LRPPRC: variants seen among roughly 807,000 people sequenced by gnomAD.
LRPPRC encodes the protein leucine rich pentatricopeptide repeat containing, also known as leucine-rich PPR motif-containing protein, mitochondrial.
LRPPRC carries 120 observed loss-of-function variants against 180.3 expected under a neutral mutation model. The ratio of observed to expected loss-of-function variants is 0.67; its 90% confidence interval spans 0.57 to 0.77. The LOEUF is 0.77. Among genes scored for constraint, LRPPRC ranks in the 30% least tolerant of loss-of-function variants. The pLI, the probability that LRPPRC is intolerant of heterozygous loss-of-function variation, is 0.00. For missense variants in LRPPRC, 2,012 were observed against 1,657.2 expected, an observed-to-expected ratio of 1.21 and a Z score of -3.72; for synonymous variants, 723 against 600.0, an observed-to-expected ratio of 1.21 and a Z score of -3.00.
Position 43,889,813 on chromosome 2 carries a change from T to G in LRPPRC, c.4049A>C (p.Lys1350Thr). 1 of 1,610,380 alleles carries G rather than the reference T, an allele frequency of 6.2e-7. No homozygotes were observed. Among genetic ancestry groups the G allele is most frequent in the Non-Finnish European group, 8.5e-7 (1 of 1,176,550 alleles). The change falls in exon 37 of 38, where the codon AAA becomes ACA. Residue 1350 changes from lysine (K) to threonine (T), a missense_variant. Transcript: ENST00000260665. Reference protein sequence around the residue: ...LYEHLTAKNTKLDDLFLKRYA... With the variant: ...LYEHLTAKNTTLDDLFLKRYA... ...ACGCTTTAGAAACAGATCATCCAAT[T>G]TTGTATTCTTTGCAGTCAAATGTTC... is the stretch of plus-strand genomic sequence containing the variant.
chr2:43,975,083 A>C lies in LRPPRC; in HGVS notation c.864+8T>G, dbSNP rs200874151. 197 of 1,611,958 alleles carry C rather than the reference A, an allele frequency of 1.2e-4. No homozygotes were observed. The highest frequency in any genetic ancestry group is 9.3e-6 in the Non-Finnish European group (11 of 1,179,640). On this transcript the variant is annotated splice_region_variant and intron_variant, in intron 7 of 37. Transcript: ENST00000260665. ...TTTAAAGTATGTTTATTTAGACATA[A>C]GTCATACCTGCTTAACATGGTCAAT...
At chr2:43,969,181 G>A (rs1489845090) in intron 11 of LRPPRC, among the ~76,000 whole-genome samples, 1 of 152,202 alleles carries the variant, frequency 6.6e-6, no homozygotes, top group South Asian at 2.1e-4. Flanking sequence ...GGGAGGCCGA[G>A]GCGGGTGGAT....
intron 11 of LRPPRC, 119 bp from the exon 12 acceptor site, chr2:43,963,825 G>A (rs970506181): frequency 7.9e-6 from 6 of 757,188 alleles, no homozygotes; most frequent in Middle Eastern, 3.6e-4. Flanking sequence ...TCAGCAATTC[G>A]TTTGTCTAAA....
chr2:43,959,082 G>C, intron 13 of LRPPRC: 2 of 607,934 alleles, frequency 3.3e-6, no homozygotes, highest in Non-Finnish European at 6.0e-6. Flanking sequence ...CAACAAACAA[G>C]CCTGAAAAAT....
chr2:43,913,376 T>C (rs936452415), intron 29 of LRPPRC, among the ~76,000 whole-genome samples: 1 of 152,158 alleles, frequency 6.6e-6, no homozygotes, highest in African/African-American at 2.4e-5. Flanking sequence ...AAATGAACTA[T>C]CACGTACGGC....
intron 25 of LRPPRC, among the ~76,000 whole-genome samples, chr2:43,929,837 TA>T (rs1368770822): frequency 1.3e-5 from 2 of 152,032 alleles, no homozygotes; most frequent in African/African-American, 4.8e-5. Context: ...TATCATGAAC[TA>T]AAAAATTATC....
chr2:43,909,657 T>TG (rs1176969336), intron 30 of LRPPRC, among the ~76,000 whole-genome samples: 14 of 149,778 alleles, frequency 9.3e-5, no homozygotes, highest in African/African-American at 2.2e-4. Context: ...ATATTGAGGG[T>TG]GGGAAAAAAC....
chr2:43,944,200 T>C (rs1672595934), intron 22 of LRPPRC, among the ~76,000 whole-genome samples: 1 of 152,078 alleles, frequency 6.6e-6, no homozygotes, highest in Non-Finnish European at 1.5e-5. Context: ...CTTTTATCGT[T>C]CAGAGCTAAC....
At chr2:43,966,819 G>C (rs1673581859) in intron 11 of LRPPRC, among the ~76,000 whole-genome samples, 1 of 151,842 alleles carries the variant, frequency 6.6e-6, no homozygotes, top group Non-Finnish European at 1.5e-5. Flanking sequence ...GGGAGGCCAA[G>C]GCTGGTGGAT....
intron 3 of LRPPRC, 121 bp from the exon 4 acceptor site, chr2:43,977,397 C>G: frequency 1.3e-6 from 1 of 762,578 alleles, no homozygotes; most frequent in Non-Finnish European, 2.2e-6. Flanking sequence ...ACCCATCCAT[C>G]TTGGCGCTCA....
chr2:43,912,964 G>A (rs1671317903), intron 29 of LRPPRC, among the ~76,000 whole-genome samples: 2 of 152,090 alleles, frequency 1.3e-5, no homozygotes, highest in South Asian at 4.1e-4. Context: ...TAGATTGAGG[G>A]GAGCAAAAGA....
At chr2:43,934,051 C>G (rs1417268219) in intron 25 of LRPPRC, 139 bp downstream of exon 25, 1 of 624,296 alleles carries the variant, frequency 1.6e-6, no homozygotes, top group Non-Finnish European at 2.9e-6. Context: ...GGCCGAGATC[C>G]CCCTCCCCCA....
rs1423735593 is a variant in LRPPRC at position 43,995,856 on chromosome 2, G to A, written c.92C>T (p.Pro31Leu). The A allele has an allele frequency of 2.0e-6, 3 of 1,484,340 alleles. No homozygotes were observed. The South Asian group carries it at 3.8e-5, about 19-fold the overall frequency. The allele number at this position is 1,484,340 out of a possible 1,614,324, so 91.9% of individuals were successfully genotyped here. ...PLSLRLLPGG[P>L]GRLHAASYLP... ...ATAGGAGGCGGCATGCAGCCGGCCC[G>A]GGCCGCCAGGGAGGAGGCGCAGGGA... The change falls in exon 1 of 38, where the codon CCG becomes CTG. Residue 31 changes from proline (P) to leucine (L), a missense_variant. Physicochemically the swap from Pro to Leu is moderately conservative, Grantham distance 98. Transcript: ENST00000260665.
At chr2:43,958,449 A>G (rs1183690432) in intron 13 of LRPPRC, among the ~76,000 whole-genome samples, 1 of 152,180 alleles carries the variant, frequency 6.6e-6, no homozygotes, top group African/African-American at 2.4e-5. Context: ...TCTCCCCAAA[A>G]ATAACAAATT....
chr2:43,937,898 T>C (rs141953582), intron 23 of LRPPRC, among the ~76,000 whole-genome samples: 475 of 152,290 alleles, frequency 3.1e-3, no homozygotes, highest in Non-Finnish European at 4.8e-3. Flanking sequence ...ACATTACCAA[T>C]CAGTCTACTT....
intron 29 of LRPPRC, among the ~76,000 whole-genome samples, chr2:43,913,421 T>C (rs942539033): frequency 5.9e-5 from 9 of 152,178 alleles, no homozygotes. Context: ...TAAGGAAATA[T>C]AAAACTTCTA....
At chr2:43,889,142 C>A (rs1403687583) in intron 37 of LRPPRC, among the ~76,000 whole-genome samples, 2 of 151,756 alleles carry the variant, frequency 1.3e-5, no homozygotes, top group Non-Finnish European at 2.9e-5. Flanking sequence ...TGGTGAAACC[C>A]CATCTGTACT....
At chr2:43,957,529 T>C in intron 13 of LRPPRC, 78 bp from the exon 14 acceptor site, 1 of 993,198 alleles carries the variant, frequency 1.0e-6, no homozygotes. Flanking sequence ...TGAAAACATA[T>C]TTATACCAAT....
intron 14 of LRPPRC, among the ~76,000 whole-genome samples, chr2:43,951,699 G>C (rs1478475832): frequency 6.6e-6 from 1 of 152,098 alleles, no homozygotes; most frequent in Non-Finnish European, 1.5e-5. Flanking sequence ...TTAAAGCTGG[G>C]GGATGGGTAC....
Sources: gnomAD v4.1 joint callset for allele counts (sites outside exome capture counted in the v4.1 genomes callset) on GRCh38, gnomAD v4.1.1 for gene constraint, MANE v1.5 for transcripts, NCBI Gene and HGNC (gene_info 2026-07-23, HGNC 2026-07-21) for gene names.